UBASH3B: variants seen among roughly 807,000 people sequenced by gnomAD.
The protein encoded by UBASH3B is ubiquitin associated and SH3 domain containing B.
In UBASH3B, 37 loss-of-function variants were observed where a neutral mutation model predicts 83.4. That is an observed-to-expected ratio of 0.44 (90% CI 0.34 to 0.58). The LOEUF is 0.58. Ranked by LOEUF, UBASH3B falls within the 20% of genes least tolerant of loss-of-function variation. The probability of loss-of-function intolerance (pLI) is 0.01; values close to 1 mark genes in which losing one functional copy is unlikely to be tolerated. For missense variants in UBASH3B, 657 were observed against 827.2 expected (o/e 0.79, Z 2.52); for synonymous variants, 304 against 318.3 (o/e 0.96, Z 0.48).
At chr11:122,675,625 A>G (rs1370911221) in intron 1 of UBASH3B, among the ~76,000 whole-genome samples, 30 of 152,164 alleles carry the variant, frequency 2.0e-4, no homozygotes. Flanking sequence ...CATCTGTGCA[A>G]TTTAGTTCTT....
At chr11:122,773,011 G>C (rs1449925841) in intron 1 of UBASH3B, among the ~76,000 whole-genome samples, 1 of 152,160 alleles carries the variant, frequency 6.6e-6, no homozygotes, top group African/African-American at 2.4e-5. Flanking sequence ...GCTGTAATTT[G>C]TTGCTATCAT....
At chr11:122,699,785 T>A (rs1864018419) in intron 1 of UBASH3B, among the ~76,000 whole-genome samples, 1 of 152,046 alleles carries the variant, frequency 6.6e-6, no homozygotes. Flanking sequence ...GGTTTCGCCA[T>A]GTTGCTCTGG....
chr11:122,675,353 GT>G (rs1863653942), intron 1 of UBASH3B, among the ~76,000 whole-genome samples: 1 of 152,228 alleles, frequency 6.6e-6, no homozygotes, highest in African/African-American at 2.4e-5. Flanking sequence ...TGTTGGTTCT[GT>G]TCCTCCGTGT....
intron 1 of UBASH3B, among the ~76,000 whole-genome samples, chr11:122,683,710 C>A (rs376884044): frequency 6.6e-6 from 1 of 150,480 alleles, no homozygotes; most frequent in Non-Finnish European, 1.5e-5. Context: ...TCAGTGATCA[C>A]ATATCCTCAA....
At chr11:122,678,541 G>A (rs566299984) in intron 1 of UBASH3B, among the ~76,000 whole-genome samples, 27 of 152,278 alleles carry the variant, frequency 1.8e-4, no homozygotes, top group South Asian at 8.3e-4. Context: ...AACCACTTGG[G>A]ATCACTTCCA....
At position 122,783,081 on chromosome 11, in the gene UBASH3B, G is replaced by A; in HGVS notation, c.630G>A (p.Gln210=). Residue 210 remains glutamine, a synonymous_variant, in exon 5 of 14, where the codon CAG becomes CAA. Coordinates refer to ENST00000284273, the MANE Select transcript of UBASH3B (RefSeq NM_032873.5). ...TEVHVEPHKK[Q]LHVTLAYHFQ... is the part of the protein sequence containing the mutation. Reference sequence around the variant, plus strand: ...TGCATGTGGAACCTCATAAGAAGCAGCTACATGTGACCCTGGCTTACCACT... The same window carrying A: ...TGCATGTGGAACCTCATAAGAAGCAACTACATGTGACCCTGGCTTACCACT... 6.2e-7 allele frequency: 1 copy of A among 1,613,700 alleles called. No individual in the cohort carries two copies. The highest frequency in any genetic ancestry group is 8.5e-7 in the Non-Finnish European group (1 of 1,179,866).
chr11:122,664,102 A>G (rs7101940), intron 1 of UBASH3B, among the ~76,000 whole-genome samples: 58,099 of 151,562 alleles, frequency 0.38, 11,237 homozygotes, highest in African/African-American at 0.42. Context: ...AGGCTGTAAG[A>G]TAGGGCAGAG....
At position 122,707,987 on chromosome 11, in the gene UBASH3B, C is replaced by T. The variant is rs571227257; in HGVS notation, c.161+51777C>T. On this transcript the variant is annotated intron_variant, in intron 1 of 13. Transcript: ENST00000284273. ...CGGGATTACAGGCATGAACCCACTG[C>T]ACCTGGCCTCTAATATATAATTTAT... Among the ~76,000 whole-genome samples the T allele has an allele frequency of 7.0e-4, 107 of 152,188 alleles. 1 individual carries two copies. The highest frequency in any genetic ancestry group is 6.8e-4 in the Non-Finnish European group (46 of 68,000).
intron 1 of UBASH3B, among the ~76,000 whole-genome samples, chr11:122,707,216 A>G (rs1398539046): frequency 1.3e-5 from 2 of 152,164 alleles, no homozygotes; most frequent in Non-Finnish European, 2.9e-5. Flanking sequence ...AATATCTGGG[A>G]CTAGCTGACC....
At position 122,656,157 on chromosome 11, in the gene UBASH3B, G is replaced by A. The variant is rs1863358931; in HGVS notation, c.108G>A (p.Lys36=). 1 of 1,577,358 alleles carries A rather than the reference G, an allele frequency of 6.3e-7. No homozygotes were observed. ...RNRQQRPGTI[K]HGSALDVLLS... ...GCCAACAGCGCCCCGGCACCATCAA[G>A]CATGGATCGGCGCTGGACGTGCTCC... Residue 36 remains lysine (K), a synonymous_variant, in exon 1 of 14, where the codon AAG becomes AAA. Coordinates refer to ENST00000284273, the MANE Select transcript of UBASH3B (RefSeq NM_032873.5).
At chr11:122,735,002 C>T (rs1196246935) in intron 1 of UBASH3B, among the ~76,000 whole-genome samples, 1 of 152,084 alleles carries the variant, frequency 6.6e-6, no homozygotes, top group Non-Finnish European at 1.5e-5. Flanking sequence ...TTAAGCCATT[C>T]AGGAGTGAAC....
At chr11:122,724,493 C>T (rs1860697321) in intron 1 of UBASH3B, among the ~76,000 whole-genome samples, 1 of 152,174 alleles carries the variant, frequency 6.6e-6, no homozygotes, top group Non-Finnish European at 1.5e-5. Flanking sequence ...GAAAACAGAC[C>T]ACTGCCATGT....
chr11:122,725,790 T>A (rs1047893518), intron 1 of UBASH3B, among the ~76,000 whole-genome samples: 1 of 151,816 alleles, frequency 6.6e-6, no homozygotes, highest in African/African-American at 2.4e-5. Flanking sequence ...GCCTCCCGGG[T>A]TCAAGCGATT....
intron 1 of UBASH3B, among the ~76,000 whole-genome samples, chr11:122,698,272 C>T (rs902765289): frequency 6.6e-6 from 1 of 152,142 alleles, no homozygotes; most frequent in East Asian, 1.9e-4. Flanking sequence ...ACCCATACCC[C>T]CATAGTCACG....
At chr11:122,788,155 G>A (rs907416901) in intron 5 of UBASH3B, among the ~76,000 whole-genome samples, 1 of 152,216 alleles carries the variant, frequency 6.6e-6, no homozygotes. Flanking sequence ...TTCTCCATCT[G>A]ATGAAAGCTG....
At chr11:122,701,464 C>CCTTTCAAGCTT in intron 1 of UBASH3B, among the ~76,000 whole-genome samples, 1 of 152,234 alleles carries the variant, frequency 6.6e-6, no homozygotes, top group East Asian at 1.9e-4. Context: ...GGGATGGGAG[C>CCTTTCAAGCTT]CTTTCAAGCT....
rs781684347 is a variant in UBASH3B at position 122,801,214 on chromosome 11, A to G, written c.1477A>G (p.Ile493Val). 34 of 1,614,064 alleles carry G rather than the reference A, an allele frequency of 2.1e-5. No homozygotes were observed. Among genetic ancestry groups the G allele is most frequent in the Non-Finnish European group, 2.9e-5 (34 of 1,180,018 alleles). ...TTTACAACAAGAAAATCACTTGAAG[A>G]TCCGTGTAGAGCCCGGCTTATTTGA... is the stretch of plus-strand genomic sequence containing the variant. ...KGLQQENHLKIRVEPGLFEWT... is the reference protein window; with the variant it reads ...KGLQQENHLKVRVEPGLFEWT... The change falls in exon 11 of 14, where the codon ATC (isoleucine) becomes GTC (valine). Residue 493 changes from isoleucine (I) to valine (V), a missense_variant. Physicochemically the swap from Ile to Val is conservative, Grantham distance 29. Transcript: ENST00000284273.
At position 122,794,750 on chromosome 11, in the gene UBASH3B, G is replaced by A. The variant is rs777921170; in HGVS notation, c.1029G>A (p.Gly343=). ...NTSSSNSLTF[G]DGVLERRPYE... ...CGTCATCCAACTCTCTCACGTTTGG[G>A]GATGGAGTATTGGAGAGGCGGCCTT... is the stretch of plus-strand genomic sequence containing the variant. The change falls in exon 7 of 14, where the codon GGG becomes GGA. Residue 343 remains glycine, a synonymous_variant. Transcript: ENST00000284273. The A allele has an allele frequency of 1.2e-6, 2 of 1,614,078 alleles. No homozygotes were observed. Among genetic ancestry groups the A allele is most frequent in the South Asian group, 2.2e-5 (2 of 91,070 alleles).
intron 1 of UBASH3B, among the ~76,000 whole-genome samples, chr11:122,666,565 C>A (rs563981502): frequency 6.6e-6 from 1 of 151,930 alleles, no homozygotes; most frequent in African/African-American, 2.4e-5. Flanking sequence ...ATTACAGGCG[C>A]GCGCCTCCAT....
Sources: allele counts gnomAD v4.1 joint callset (sites outside exome capture counted in the v4.1 genomes callset), GRCh38; gene constraint gnomAD v4.1.1; transcripts MANE v1.5; gene names NCBI Gene and HGNC (gene_info 2026-07-23, HGNC 2026-07-21).